FBN2: variants seen among roughly 807,000 people sequenced by gnomAD.
FBN2 encodes fibrillin-2.
A neutral mutation model predicts 355.6 loss-of-function variants in FBN2; 105 were observed. That is an observed-to-expected ratio of 0.30 (90% confidence interval 0.25 to 0.35). The LOEUF is 0.35. Ranked by LOEUF, FBN2 falls within the 10% of genes least tolerant of loss-of-function variation. The probability of loss-of-function intolerance (pLI) is 1.00; values close to 1 mark genes in which losing one functional copy is unlikely to be tolerated. For missense variants in FBN2, 3,280 were observed against 3,758.7 expected (o/e 0.87, Z 3.33); for synonymous variants, 1,350 against 1,301.2 (o/e 1.04, Z -0.81).
intron 55 of FBN2, among the ~76,000 whole-genome samples, chr5:128,284,386 C>T (rs1305768949): frequency 6.6e-6 from 1 of 152,144 alleles, no homozygotes; most frequent in Admixed American, 6.5e-5. Flanking sequence ...CTCTGAGTCA[C>T]TCTGCCGTAA....
chr5:128,289,294 A>G (rs1238590581), intron 51 of FBN2, 42 bp from the exon 52 acceptor site: 1 of 1,611,040 alleles, frequency 6.2e-7, no homozygotes, highest in Admixed American at 1.7e-5. Context: ...ATATAAAAAG[A>G]TATGCCGGCC....
intron 59 of FBN2, 80 bp downstream of exon 59, chr5:128,275,958 T>C: frequency 6.7e-7 from 1 of 1,502,908 alleles, no homozygotes; most frequent in Non-Finnish European, 9.3e-7. Flanking sequence ...GCACATGGCA[T>C]AATTCCTGAT....
Position 128,276,040 on chromosome 5 carries a change from T to C in FBN2, c.7592A>G (p.Lys2531Arg). 6.2e-7 allele frequency: 1 copy of C among 1,613,770 alleles called. No individual in the cohort carries two copies. The highest frequency in any genetic ancestry group is 8.5e-7 in the Non-Finnish European group (1 of 1,179,694). ...ATTGTCAGAGACTCTTCACTCACCT[T>C]TGCATGTCTTTCCATCCTCTTGCAG... ...YVLQEDGKTC[K>R]DLDECQTKQH... The change falls in exon 59 of 65, where the codon AAA becomes AGA. Residue 2531 changes from lysine to arginine, a missense_variant and splice_region_variant. Transcript: ENST00000262464.
intron 27 of FBN2, among the ~76,000 whole-genome samples, chr5:128,336,590 T>C (rs1750849533): frequency 6.6e-6 from 1 of 152,188 alleles, no homozygotes; most frequent in African/African-American, 2.4e-5. Flanking sequence ...ATTTGAAGTA[T>C]ACTGATGGAA....
intron 4 of FBN2, among the ~76,000 whole-genome samples, 199 bp downstream of exon 4, chr5:128,527,673 T>A (rs1756597780): frequency 6.6e-6 from 1 of 152,140 alleles, no homozygotes; most frequent in African/African-American, 2.4e-5. Flanking sequence ...TTCAAGAACA[T>A]CACTGCTCTA....
rs72785145 is a variant in FBN2 at position 128,468,895 on chromosome 5, G to C, written c.629-3974C>G. On this transcript the variant is annotated intron_variant, in intron 5 of 64. Coordinates refer to ENST00000262464, the MANE Select transcript of FBN2 (RefSeq NM_001999.4). Reference sequence around the variant, plus strand: ...CCCTTTTCATAACATGTTGAGATTTGTGATACTTTTTTCTAAATAAAAACA... The same window carrying C: ...CCCTTTTCATAACATGTTGAGATTTCTGATACTTTTTTCTAAATAAAAACA... Among the ~76,000 whole-genome samples, 1,403 of 152,264 alleles carry C rather than the reference G, an allele frequency of 9.2e-3. 11 individuals carry two copies. The highest frequency in any genetic ancestry group is 0.015 in the Non-Finnish European group (994 of 68,010).
intron 63 of FBN2, 85 bp downstream of exon 63, chr5:128,263,340 G>T: frequency 2.9e-6 from 3 of 1,040,512 alleles, no homozygotes; most frequent in Non-Finnish European, 4.5e-6. Flanking sequence ...TTTAGACACT[G>T]TACTCTTCCC....
intron 19 of FBN2, among the ~76,000 whole-genome samples, chr5:128,359,659 A>G (rs1483152503): frequency 6.6e-6 from 1 of 152,130 alleles, no homozygotes; most frequent in Non-Finnish European, 1.5e-5. Flanking sequence ...TTTACATTAA[A>G]TAAATCTCTC....
intron 15 of FBN2, among the ~76,000 whole-genome samples, chr5:128,374,022 T>G (rs374585291): frequency 6.6e-6 from 1 of 152,176 alleles, no homozygotes; most frequent in Non-Finnish European, 1.5e-5. Context: ...ATAATCCCCA[T>G]TACATATCTT....
At chr5:128,315,274 T>C (rs1262779086) in intron 36 of FBN2, among the ~76,000 whole-genome samples, 1 of 152,186 alleles carries the variant, frequency 6.6e-6, no homozygotes, top group Non-Finnish European at 1.5e-5. Flanking sequence ...TAACTCAATT[T>C]TTTAATCTAT....
chr5:128,348,636 G>A (rs962679813), intron 23 of FBN2, among the ~76,000 whole-genome samples: 9 of 151,912 alleles, frequency 5.9e-5, no homozygotes, highest in Non-Finnish European at 8.8e-5. Context: ...TCTATGTAAA[G>A]TTCTTTTATA....
In FBN2 at chr5:128,273,832, C is replaced by T; in HGVS notation, c.7840+8G>A. 6.2e-7 allele frequency: 1 copy of T among 1,613,398 alleles called. No homozygotes were observed. The highest frequency in any genetic ancestry group is 8.5e-7 in the Non-Finnish European group (1 of 1,179,526). On this transcript the variant is annotated splice_region_variant and intron_variant, in intron 61 of 64. Transcript: ENST00000262464. The stretch of plus-strand genomic sequence containing the variant: ...TTAGATTAAGAATTTTTGAGCAAAT[C>T]AACTAACCTTCACAGTTCAGTCCGG...
chr5:128,403,704 C>T (rs1752856772), intron 8 of FBN2, among the ~76,000 whole-genome samples: 1 of 147,466 alleles, frequency 6.8e-6, no homozygotes, highest in African/African-American at 2.5e-5. Context: ...GTTTTAACTC[C>T]TTTTTTTTTT....
At chr5:128,391,207 A>G (rs1305926784) in intron 11 of FBN2, among the ~76,000 whole-genome samples, 2 of 152,174 alleles carry the variant, frequency 1.3e-5, no homozygotes, top group East Asian at 1.9e-4. Flanking sequence ...GAATAACCTC[A>G]ATTATCTGAA....
chr5:128,411,318 T>C (rs1169105033), intron 7 of FBN2, among the ~76,000 whole-genome samples: 1 of 152,178 alleles, frequency 6.6e-6, no homozygotes, highest in Non-Finnish European at 1.5e-5. Flanking sequence ...TCATGCCCAG[T>C]GTTTTCAAAT....
At chr5:128,338,156 C>T in intron 26 of FBN2, 34 bp from the exon 27 acceptor site, 9 of 1,609,654 alleles carry the variant, frequency 5.6e-6, no homozygotes, top group Non-Finnish European at 7.6e-6. Context: ...CATTAAAGAA[C>T]TCTGAGGGAA....
Position 128,261,772 on chromosome 5 carries a change from C to T in FBN2, c.8328G>A (p.Arg2776=). The T allele has an allele frequency of 6.2e-7, 1 of 1,614,180 alleles. No homozygotes were observed. The highest frequency in any genetic ancestry group is 1.6e-4 in the Middle Eastern group (1 of 6,062). Residue 2776 remains arginine (R), a synonymous_variant, in exon 64 of 65, where the codon AGG becomes AGA. Transcript: ENST00000262464. ...CAGGTTCATGAATACTTCTCTTCTG[C>T]CTGCTGTCTTTCTTAGAATAGCCGT... is the stretch of plus-strand genomic sequence containing the variant. ...KINGYSKKDS[R]QKRSIHEPDP...
At chr5:128,530,504 G>A in intron 3 of FBN2, 91 bp downstream of exon 3, 1 of 848,440 alleles carries the variant, frequency 1.2e-6, no homozygotes, top group Non-Finnish European at 2.0e-6. Context: ...AGTAATAACA[G>A]TTAAAACTCC....
At position 128,464,881 on chromosome 5, in the gene FBN2, C is replaced by T; in HGVS notation, c.669G>A (p.Gln223=). Residue 223 remains glutamine, a synonymous_variant, in exon 6 of 65, where the codon CAG becomes CAA. Coordinates refer to ENST00000262464, the MANE Select transcript of FBN2 (RefSeq NM_001999.4). The stretch of plus-strand genomic sequence containing the variant: ...TGCCTGTCAGCTGCCCTTGGCACAT[C>T]TGGTTGTTGACCTGAGTGAAACACG... ...TGPCFTQVNN[Q]MCQGQLTGIV... 6.2e-7 allele frequency: 1 copy of T among 1,614,238 alleles called. No homozygotes were observed.
Sources: gnomAD v4.1 joint callset for allele counts (sites outside exome capture counted in the v4.1 genomes callset) on GRCh38, gnomAD v4.1.1 for gene constraint, MANE v1.5 for transcripts, NCBI Gene and HGNC (gene_info 2026-07-23, HGNC 2026-07-21) for gene names.